Variants in PKIB observed in about 807,000 individuals in gnomAD.
PKIB encodes PKI-beta.
PKIB carries 2 observed loss-of-function variants against 4.5 expected under a neutral mutation model. That is an observed-to-expected ratio of 0.44 (90% confidence interval 0.18 to 1.39). The LOEUF (loss-of-function observed/expected upper bound fraction) is 1.39, where lower values mean the gene tolerates loss of function less well. Among genes scored for constraint, PKIB ranks in the 40% most tolerant of loss-of-function variants. PKIB has a pLI of 0.27. For missense variants in PKIB, 94 were observed against 92.6 expected (o/e 1.02, Z -0.06); for synonymous variants, 38 against 36.0 (o/e 1.06, Z -0.20).
At chr6:122,527,569 G>A (rs1301833666) in intron 2 of PKIB, among the ~76,000 whole-genome samples, 1 of 152,134 alleles carries the variant, frequency 6.6e-6, no homozygotes, top group Non-Finnish European at 1.5e-5. Context: ...GGATTAACTG[G>A]TCAGCAGAGC....
intron 4 of PKIB, 107 bp from the exon 5 acceptor site, chr6:122,725,021 G>C (rs966822315): frequency 1.2e-6 from 1 of 824,660 alleles, no homozygotes; most frequent in African/African-American, 1.7e-5. Flanking sequence ...TCTGAATTGA[G>C]GGCAAAATAT....
chr6:122,588,600 A>T (rs1219715576), intron 3 of PKIB, among the ~76,000 whole-genome samples: 2 of 152,140 alleles, frequency 1.3e-5, no homozygotes, highest in African/African-American at 4.8e-5. Flanking sequence ...ATGGAACAGA[A>T]TTTTTTGTAG....
intron 2 of PKIB, among the ~76,000 whole-genome samples, chr6:122,572,767 G>A (rs1773409508): frequency 6.6e-6 from 1 of 151,808 alleles, no homozygotes; most frequent in Non-Finnish European, 1.5e-5. Flanking sequence ...CAAATAAGCT[G>A]AATTAGAAAT....
intron 2 of PKIB, among the ~76,000 whole-genome samples, chr6:122,658,134 G>T (rs1776846258): frequency 6.6e-6 from 1 of 152,100 alleles, no homozygotes; most frequent in Non-Finnish European, 1.5e-5. Flanking sequence ...TAATCTGGGA[G>T]TCTAAAATAT....
chr6:122,598,436 T>C (rs1002627745), intron 3 of PKIB, among the ~76,000 whole-genome samples: 8 of 152,218 alleles, frequency 5.3e-5, no homozygotes, highest in Non-Finnish European at 8.8e-5. Flanking sequence ...GTGCTGCCAC[T>C]TGGCTCCTCC....
rs1161484361 is a variant in PKIB, at chr6:122,642,158, T to G, written c.-76+8791T>G. On this transcript the variant is annotated intron_variant, in intron 2 of 4. Transcript: ENST00000368452. ...CCATGTTCAGACTATAAAAGCCCAC[T>G]GCTTAGGCTGCTAGAGCAGAGCTCT... 2.0e-5 allele frequency among the ~76,000 whole-genome samples: 3 copies of G among 152,384 alleles called. No individual in the cohort carries two copies. In the East Asian group the frequency reaches 5.8e-4, roughly 29 times the overall value.
intron 3 of PKIB, among the ~76,000 whole-genome samples, chr6:122,596,771 A>G (rs1268100210): frequency 2.0e-5 from 3 of 152,136 alleles, no homozygotes; most frequent in Non-Finnish European, 2.9e-5. Context: ...TGCCACTGAC[A>G]CCTCAAGCAC....
chr6:122,705,559 C>T (rs1288747181), intron 3 of PKIB, among the ~76,000 whole-genome samples: 4 of 137,514 alleles, frequency 2.9e-5, no homozygotes, highest in Non-Finnish European at 4.6e-5. Flanking sequence ...TTTCAGAAAG[C>T]GCATCTTTTT....
At chr6:122,715,543 A>G (rs1025192070) in intron 3 of PKIB, among the ~76,000 whole-genome samples, 1 of 151,872 alleles carries the variant, frequency 6.6e-6, no homozygotes, top group Non-Finnish European at 1.5e-5. Context: ...CAAACATTCA[A>G]ACTAGAGAAG....
At chr6:122,693,292 C>T (rs1562305516) in intron 3 of PKIB, among the ~76,000 whole-genome samples, 2 of 152,176 alleles carry the variant, frequency 1.3e-5, no homozygotes, top group Non-Finnish European at 1.5e-5. Flanking sequence ...TGTTTCCATA[C>T]TTCCTTTACT....
chr6:122,706,295 C>T (rs1455991584), intron 3 of PKIB, among the ~76,000 whole-genome samples: 3 of 152,194 alleles, frequency 2.0e-5, no homozygotes, highest in Non-Finnish European at 4.4e-5. Context: ...CATATATTTA[C>T]TTCTATTTTT....
intron 2 of PKIB, among the ~76,000 whole-genome samples, chr6:122,574,128 T>G (rs1362485361): frequency 1.3e-5 from 2 of 152,074 alleles, no homozygotes; most frequent in Admixed American, 1.3e-4. Flanking sequence ...CCAACAACAA[T>G]TAGGCTGAGA....
At chr6:122,542,213 C>T (rs1202549325) in intron 2 of PKIB, among the ~76,000 whole-genome samples, 1 of 152,068 alleles carries the variant, frequency 6.6e-6, no homozygotes, top group East Asian at 1.9e-4. Context: ...CAGCTTTGTT[C>T]TGTTGCTGGT....
chr6:122,662,447 C>T (rs1239899083), intron 2 of PKIB, among the ~76,000 whole-genome samples: 2 of 149,818 alleles, frequency 1.3e-5, no homozygotes, highest in Non-Finnish European at 1.5e-5. Flanking sequence ...TCCCAAGTAG[C>T]TGCGATTATA....
intron 3 of PKIB, among the ~76,000 whole-genome samples, chr6:122,702,644 T>C (rs956003553): frequency 1.3e-5 from 2 of 152,052 alleles, no homozygotes; most frequent in African/African-American, 2.4e-5. Context: ...TTTAAAAATA[T>C]GATCTCAGAA....
intron 3 of PKIB, among the ~76,000 whole-genome samples, chr6:122,694,031 C>G (rs556197964): frequency 1.0e-3 from 156 of 152,190 alleles, no homozygotes; most frequent in African/African-American, 3.7e-3. Context: ...CAAGGTCGTG[C>G]GTATGCATTT....
At chr6:122,583,920 G>A (rs1024164910) in intron 2 of PKIB, among the ~76,000 whole-genome samples, 1 of 152,090 alleles carries the variant, frequency 6.6e-6, no homozygotes, top group African/African-American at 2.4e-5. Context: ...TCACTTGGAT[G>A]AAGAACTGGA....
chr6:122,632,334 A>G (rs1393121996), intron 1 of PKIB, among the ~76,000 whole-genome samples: 1 of 152,226 alleles, frequency 6.6e-6, no homozygotes, highest in Non-Finnish European at 1.5e-5. Context: ...CCTCACATCT[A>G]GAAAAAGAAA....
rs572028236 is a variant in PKIB at position 122,630,116 on chromosome 6, T to A, written c.-160-3167T>A. On this transcript the variant is annotated intron_variant, in intron 1 of 4. Transcript: ENST00000368452. ...ATTTTTTTTTGTAAATCAAAACTAT[T>A]GTAAAAAAATATGTTAAAAAGAAAT... 3.9e-5 allele frequency among the ~76,000 whole-genome samples: 6 copies of A among 152,250 alleles called. No individual in the cohort carries two copies. In the South Asian group the frequency reaches 6.2e-4, roughly 16 times the overall value.
Sources: allele counts gnomAD v4.1 joint callset (sites outside exome capture counted in the v4.1 genomes callset), GRCh38; gene constraint gnomAD v4.1.1; transcripts MANE v1.5; gene names NCBI Gene and HGNC (gene_info 2026-07-23, HGNC 2026-07-21).